PDIA3: variants seen among roughly 807,000 people sequenced by gnomAD.
The protein encoded by PDIA3 is protein disulfide-isomerase A3.
PDIA3 carries 16 observed loss-of-function variants against 56.9 expected under a neutral mutation model. That is an observed-to-expected ratio of 0.28 (90% CI 0.19 to 0.43). The LOEUF is 0.43. PDIA3 is among the 20% of genes least tolerant of loss of function. The pLI is 1.00. For missense variants in PDIA3, 485 were observed against 621.3 expected (o/e 0.78, Z 2.33); for synonymous variants, 192 against 216.5 (o/e 0.89, Z 0.99).
chr15:43,765,335 C>A, intron 5 of PDIA3, 115 bp from the exon 6 acceptor site: 1 of 710,824 alleles, frequency 1.4e-6, no homozygotes. Context: ...GAGCTATAAT[C>A]ACACCATTGC....
rs577702948 is a variant in PDIA3 at position 43,770,986 on chromosome 15, A to G, written c.1405-119A>G. On this transcript the variant is annotated intron_variant, in intron 12 of 12. Coordinates refer to ENST00000300289, the MANE Select transcript of PDIA3 (RefSeq NM_005313.5). ...TTAACTAAAATCTCTTTAAACTCTC[A>G]TGGGCAGTATATGTGGCTGCTAATA... 4.5e-6 allele frequency: 3 copies of G among 667,370 alleles called. No individual in the cohort carries two copies. The East Asian group carries it at 8.1e-5, about 18-fold the overall frequency. The allele number at this position is 667,370 out of a possible 1,614,324, so 41.3% of individuals were successfully genotyped here.
At chr15:43,763,980 G>A (rs1228275989) in intron 5 of PDIA3, among the ~76,000 whole-genome samples, 1 of 152,158 alleles carries the variant, frequency 6.6e-6, no homozygotes, top group Non-Finnish European at 1.5e-5. Context: ...CATAATGAAA[G>A]ATAAGATTGG....
intron 1 of PDIA3, among the ~76,000 whole-genome samples, chr15:43,749,511 G>A (rs1176371636): frequency 6.6e-6 from 1 of 152,096 alleles, no homozygotes; most frequent in Admixed American, 6.5e-5. Context: ...GAGTAAAATG[G>A]GGTCTGGCCC....
intron 3 of PDIA3, 85 bp downstream of exon 3, chr15:43,756,851 C>A: frequency 1.3e-6 from 1 of 776,094 alleles, no homozygotes; most frequent in Non-Finnish European, 2.2e-6. Flanking sequence ...TTTTTCTACA[C>A]AGTATACTTT....
intron 8 of PDIA3, among the ~76,000 whole-genome samples, chr15:43,768,070 G>C (rs1378654197): frequency 6.6e-6 from 1 of 152,056 alleles, no homozygotes; most frequent in Non-Finnish European, 1.5e-5. Flanking sequence ...ATAGCACATG[G>C]GTCTAAAGTG....
intron 2 of PDIA3, 26 bp from the exon 3 acceptor site, chr15:43,756,623 A>C: frequency 7.7e-7 from 1 of 1,295,456 alleles, no homozygotes; most frequent in East Asian, 2.3e-5. Flanking sequence ...TGGATAAGAA[A>C]ATAGTTTGTG....
chr15:43,748,536 T>TA (rs1172298904), intron 1 of PDIA3, among the ~76,000 whole-genome samples: 1 of 152,138 alleles, frequency 6.6e-6, no homozygotes, highest in Non-Finnish European at 1.5e-5. Flanking sequence ...TACTTTAAAT[T>TA]GTTACACGTG....
intron 3 of PDIA3, among the ~76,000 whole-genome samples, chr15:43,759,719 C>T (rs1473478123): frequency 6.6e-6 from 1 of 152,174 alleles, no homozygotes; most frequent in African/African-American, 2.4e-5. Context: ...GAAGAAAATT[C>T]TGACTACATG....
intron 3 of PDIA3, among the ~76,000 whole-genome samples, chr15:43,758,422 G>T (rs146965528): frequency 6.6e-6 from 1 of 152,286 alleles, no homozygotes; most frequent in African/African-American, 2.4e-5. Flanking sequence ...ACTTTGGGAG[G>T]CCAAGGCAGG....
Position 43,773,041 on chromosome 15 carries a change from C to A in PDIA3, c.*1823C>A. ...TCAGCATAAGAAAAGCAGATAGTTGCATTCTATTTAGTTTATAGCTGCTTT... is the reference window on the plus strand; with the variant it reads ...TCAGCATAAGAAAAGCAGATAGTTGAATTCTATTTAGTTTATAGCTGCTTT... On this transcript the variant is annotated 3_prime_UTR_variant, in exon 13 of 13. Coordinates refer to ENST00000300289, the MANE Select transcript of PDIA3 (RefSeq NM_005313.5). 2.2e-6 allele frequency: 3 copies of A among 1,335,304 alleles called. No homozygotes were observed. The highest frequency in any genetic ancestry group is 3.1e-6 in the Non-Finnish European group (3 of 968,052). The allele number at this position is 1,335,304 out of a possible 1,614,324, so 82.7% of individuals were successfully genotyped here. A position where few individuals can be genotyped will look rare whatever the true frequency, so the allele number is the denominator to read the frequency against.
At chr15:43,759,039 C>G (rs1309238225) in intron 3 of PDIA3, among the ~76,000 whole-genome samples, 1 of 151,988 alleles carries the variant, frequency 6.6e-6, no homozygotes, top group East Asian at 1.9e-4. Context: ...GTCTGTAATC[C>G]CAGCACTTTG....
chr15:43,768,617 A>C lies in PDIA3; in HGVS notation c.1137+20A>C. 2.7e-6 allele frequency: 4 copies of C among 1,491,502 alleles called. No individual in the cohort carries two copies. The highest frequency in any genetic ancestry group is 3.7e-6 in the Non-Finnish European group (4 of 1,068,160). The allele number at this position is 1,491,502 out of a possible 1,614,324, so 92.4% of individuals were successfully genotyped here. ...GTGAAGGTGAGGTGCTCACAGCCTC[A>C]TCAAGCTATGAGCAATTGCCTGTCC... On this transcript the variant is annotated intron_variant, in intron 9 of 12. Transcript: ENST00000300289.
chr15:43,749,129 T>A (rs1712188224), intron 1 of PDIA3, among the ~76,000 whole-genome samples: 1 of 151,950 alleles, frequency 6.6e-6, no homozygotes, highest in Non-Finnish European at 1.5e-5. Context: ...AGTCTTGCTC[T>A]GTTACCCAGG....
At position 43,766,077 on chromosome 15, in the gene PDIA3, C is replaced by T. The variant is rs1054569455; in HGVS notation, c.845+65C>T. 2.7e-5 allele frequency: 37 copies of T among 1,376,560 alleles called. 1 individual carries two copies. In the African/African-American group the frequency reaches 5.2e-4, roughly 19 times the overall value. The allele number at this position is 1,376,560 out of a possible 1,614,324, so 85.3% of individuals were successfully genotyped here. A position where few individuals can be genotyped will look rare whatever the true frequency, so the allele number is the denominator to read the frequency against. ...CCAATGTATAGACAGTCCCTTCTAA[C>T]TATCTTGTTGGTTCCTTAAGAATCT... On this transcript the variant is annotated intron_variant, in intron 7 of 12. Coordinates refer to ENST00000300289, the MANE Select transcript of PDIA3 (RefSeq NM_005313.5).
intron 5 of PDIA3, 69 bp downstream of exon 5, chr15:43,763,275 C>G: frequency 6.5e-7 from 1 of 1,527,986 alleles, no homozygotes; most frequent in Non-Finnish European, 9.0e-7. Context: ...TTGACTGGGA[C>G]AAGGTTTCAC....
intron 2 of PDIA3, among the ~76,000 whole-genome samples, chr15:43,755,693 C>A (rs998258505): frequency 6.6e-6 from 1 of 152,130 alleles, no homozygotes; most frequent in Non-Finnish European, 1.5e-5. Context: ...GCGGGTGGAT[C>A]TCCTGAGGTC....
chr15:43,767,352 C>CA (rs2086854086), intron 8 of PDIA3, among the ~76,000 whole-genome samples: 1 of 151,542 alleles, frequency 6.6e-6, no homozygotes, highest in Non-Finnish European at 1.5e-5. Context: ...AACTCTGTCT[C>CA]AAAAAAAGAA....
chr15:43,756,184 G>T (rs571608718), intron 2 of PDIA3, among the ~76,000 whole-genome samples: 1 of 152,132 alleles, frequency 6.6e-6, no homozygotes, highest in East Asian at 1.9e-4. Context: ...TTCAGGGTAC[G>T]TGTACAGGTG....
intron 4 of PDIA3, among the ~76,000 whole-genome samples, chr15:43,761,830 AAAAT>A (rs1376121677): frequency 4.6e-5 from 7 of 152,124 alleles, no homozygotes; most frequent in East Asian, 1.9e-4. Flanking sequence ...TGTGGGGAAA[AAAAT>A]AAAGGACTAG....
Sources: gnomAD v4.1 joint callset for allele counts (sites outside exome capture counted in the v4.1 genomes callset) on GRCh38, gnomAD v4.1.1 for gene constraint, MANE v1.5 for transcripts, NCBI Gene and HGNC (gene_info 2026-07-23, HGNC 2026-07-21) for gene names.